The following CAB39 variants were observed in gnomAD, a reference collection of about 807,000 sequenced individuals.
The protein encoded by CAB39 is calcium-binding protein 39.
Under a neutral mutation model 40.0 loss-of-function variants are expected in CAB39, and 8 were observed. The ratio of observed to expected loss-of-function variants is 0.20; its 90% CI spans 0.12 to 0.36. The LOEUF (loss-of-function observed/expected upper bound fraction) is 0.36. Among genes scored for constraint, CAB39 ranks in the 10% least tolerant of loss-of-function variants. The pLI is 1.00. For missense variants in CAB39, 270 were observed against 401.1 expected, an observed-to-expected ratio of 0.67 and a Z score of 2.79; for synonymous variants, 156 against 141.6, an observed-to-expected ratio of 1.10 and a Z score of -0.72.
At chr2:230,747,220 T>G (rs1694992348) in intron 1 of CAB39, among the ~76,000 whole-genome samples, 1 of 152,164 alleles carries the variant, frequency 6.6e-6, no homozygotes, top group African/African-American at 2.4e-5. Flanking sequence ...GTGAGACTCC[T>G]TCTCAAAAAG....
At chr2:230,773,314 A>ATGTGTGTGTGTGTGTGTGTGTG (rs71052549) in intron 2 of CAB39, among the ~76,000 whole-genome samples, 9 of 132,632 alleles carry the variant, frequency 6.8e-5, no homozygotes, top group Non-Finnish European at 9.3e-5. Flanking sequence ...ATATATATAT[A>ATGTGTGTGTGTGTGTGTGTGTG]TGTGTGTGTG....
intron 1 of CAB39, among the ~76,000 whole-genome samples, chr2:230,726,402 C>A (rs1694572666): frequency 6.6e-6 from 1 of 151,954 alleles, no homozygotes; most frequent in Non-Finnish European, 1.5e-5. Flanking sequence ...GAACTCCTGG[C>A]CTCAAGTGAG....
chr2:230,728,445 G>GATTACAGGGGT (rs537375018), intron 1 of CAB39, among the ~76,000 whole-genome samples: 302 of 151,926 alleles, frequency 2.0e-3, no homozygotes, highest in African/African-American at 6.7e-3. Context: ...AAGTAGCTGG[G>GATTACAGGGGT]ATTACAGGGG....
In CAB39 at chr2:230,818,546, C is replaced by T; in HGVS notation, c.868C>T (p.Pro290Ser). Residue 290 changes from proline to serine, a missense_variant, in exon 9 of 9, where the codon CCC becomes TCC. By Grantham distance (74) the Pro-to-Ser change is moderately conservative. Transcript: ENST00000258418. ...VFVANPNKTQ[P>S]ILDILLKNQA... is the part of the protein sequence containing the mutation. ...TGTAGCCAATCCTAACAAGACGCAG[C>T]CCATCCTAGACATCCTCCTCAAGAA... 6.2e-7 allele frequency: 1 copy of T among 1,614,006 alleles called. No individual in the cohort carries two copies. Among genetic ancestry groups the T allele is most frequent in the Non-Finnish European group, 8.5e-7 (1 of 1,179,956 alleles).
intron 1 of CAB39, among the ~76,000 whole-genome samples, chr2:230,738,186 G>A (rs1258381839): frequency 6.6e-6 from 1 of 152,158 alleles, no homozygotes; most frequent in Non-Finnish European, 1.5e-5. Context: ...GTACCTATTA[G>A]TCTTCCATGG....
At chr2:230,726,617 G>A in intron 1 of CAB39, among the ~76,000 whole-genome samples, 1 of 152,130 alleles carries the variant, frequency 6.6e-6, no homozygotes, top group East Asian at 1.9e-4. Context: ...TAGGCAGGAA[G>A]GAACTAGGAA....
intron 2 of CAB39, among the ~76,000 whole-genome samples, chr2:230,783,954 G>T (rs1225356594): frequency 2.6e-5 from 4 of 152,224 alleles, no homozygotes; most frequent in African/African-American, 9.7e-5. Flanking sequence ...TTAAGCAACA[G>T]CAATGTCTTA....
At chr2:230,727,209 A>G (rs1694595449) in intron 1 of CAB39, among the ~76,000 whole-genome samples, 1 of 150,440 alleles carries the variant, frequency 6.6e-6, no homozygotes, top group African/African-American at 2.4e-5. Context: ...TGTTAACCAT[A>G]TTTAATAATA....
At position 230,760,128 on chromosome 2, in the gene CAB39, C is replaced by G. The variant is rs768486722; in HGVS notation, c.114+13C>G. 5.9e-6 allele frequency: 9 copies of G among 1,512,906 alleles called. No homozygotes were observed. The Admixed American group carries it at 1.2e-4, about 20-fold the overall frequency. The allele number at this position is 1,512,906 out of a possible 1,614,324, so 93.7% of individuals were successfully genotyped here. A position where few individuals can be genotyped will look rare whatever the true frequency, so the allele number is the denominator to read the frequency against. The stretch of plus-strand genomic sequence containing the variant: ...AAAAGCAGAAAAGGTATGGATTTGG[C>G]TTTATTTATATTTGAAATATCTTAA... On this transcript the variant is annotated intron_variant, in intron 2 of 8. Coordinates refer to ENST00000258418, the MANE Select transcript of CAB39 (RefSeq NM_016289.4).
chr2:230,776,732 C>T (rs1017600673), intron 2 of CAB39, among the ~76,000 whole-genome samples: 2 of 151,958 alleles, frequency 1.3e-5, no homozygotes, highest in African/African-American at 4.8e-5. Context: ...GCTCTGTCAC[C>T]CAGGCTGGCA....
At chr2:230,734,805 C>T (rs113427068) in intron 1 of CAB39, among the ~76,000 whole-genome samples, 2 of 151,862 alleles carry the variant, frequency 1.3e-5, no homozygotes, top group Non-Finnish European at 2.9e-5. Context: ...CATTCCACCC[C>T]GACGAAGGAG....
chr2:230,751,847 T>G (rs1695090874), intron 1 of CAB39, among the ~76,000 whole-genome samples: 1 of 152,080 alleles, frequency 6.6e-6, no homozygotes, highest in Non-Finnish European at 1.5e-5. Context: ...TATGCCAAAC[T>G]ACTAATAATG....
At chr2:230,771,857 G>A (rs1311228576) in intron 2 of CAB39, among the ~76,000 whole-genome samples, 1 of 152,212 alleles carries the variant, frequency 6.6e-6, no homozygotes, top group Non-Finnish European at 1.5e-5. Context: ...GAAGGTAGTT[G>A]TTTCAACAAT....
intron 2 of CAB39, among the ~76,000 whole-genome samples, chr2:230,765,420 C>T (rs903266273): frequency 3.9e-5 from 6 of 152,134 alleles, no homozygotes; most frequent in Admixed American, 6.5e-5. Flanking sequence ...CAGCCTTGAC[C>T]TTACAGACGC....
chr2:230,771,716 C>G (rs575956479), intron 2 of CAB39, among the ~76,000 whole-genome samples: 67 of 152,270 alleles, frequency 4.4e-4, no homozygotes, highest in African/African-American at 1.4e-3. Context: ...TAAAAAGCTA[C>G]GGTTGTTAAA....
chr2:230,813,685 G>A (rs1452795046), intron 6 of CAB39, among the ~76,000 whole-genome samples: 2 of 152,104 alleles, frequency 1.3e-5, no homozygotes, highest in African/African-American at 4.8e-5. Context: ...TATGAGAGCA[G>A]ACTCAACAAG....
At chr2:230,753,639 G>A (rs1695128766) in intron 1 of CAB39, among the ~76,000 whole-genome samples, 1 of 151,510 alleles carries the variant, frequency 6.6e-6, no homozygotes, top group South Asian at 2.1e-4. Flanking sequence ...CCCAGCTACT[G>A]GGGAGGCTGA....
intron 1 of CAB39, among the ~76,000 whole-genome samples, chr2:230,723,464 A>G (rs927198959): frequency 6.6e-6 from 1 of 152,198 alleles, no homozygotes; most frequent in Non-Finnish European, 1.5e-5. Flanking sequence ...GCCACATCAG[A>G]GAAATCTTGC....
At chr2:230,733,460 C>A (rs1694731198) in intron 1 of CAB39, among the ~76,000 whole-genome samples, 1 of 152,174 alleles carries the variant, frequency 6.6e-6, no homozygotes, top group Non-Finnish European at 1.5e-5. Flanking sequence ...AGTAGATTGC[C>A]TTGACTTTTC....
Sources: gnomAD v4.1 joint callset for allele counts (sites outside exome capture counted in the v4.1 genomes callset) on GRCh38, gnomAD v4.1.1 for gene constraint, MANE v1.5 for transcripts, NCBI Gene and HGNC (gene_info 2026-07-23, HGNC 2026-07-21) for gene names.